NIBAN1: variants seen among roughly 807,000 people sequenced by gnomAD.
The protein encoded by NIBAN1 is niban apoptosis regulator 1.
NIBAN1 carries 81 observed loss-of-function variants against 75.1 expected under a neutral mutation model. The ratio of observed to expected loss-of-function variants is 1.08; its 90% confidence interval spans 0.90 to 1.30. The LOEUF is 1.30. Among genes scored for constraint, NIBAN1 ranks in the 50% most tolerant of loss-of-function variants. The probability of loss-of-function intolerance (pLI) is 0.00; values close to 1 mark genes in which losing one functional copy is unlikely to be tolerated. For synonymous variants in NIBAN1, 436 were observed against 424.8 expected, an observed-to-expected ratio of 1.03 and a Z score of -0.32; for missense variants, 1,133 against 1,128.1, an observed-to-expected ratio of 1.00 and a Z score of -0.06.
At chr1:184,910,428 T>G (rs1000668575) in intron 1 of NIBAN1, among the ~76,000 whole-genome samples, 1 of 152,134 alleles carries the variant, frequency 6.6e-6, no homozygotes, top group African/African-American at 2.4e-5. Context: ...AGAAATTAAT[T>G]GATCCAAGGT....
intron 6 of NIBAN1, among the ~76,000 whole-genome samples, chr1:184,828,367 C>G (rs7519082): frequency 0.62 from 94,491 of 152,082 alleles, 31,086 homozygotes; most frequent in Middle Eastern, 0.76. Flanking sequence ...AGATTAAGGT[C>G]TTAGCAGACA....
Position 184,804,248 on chromosome 1 carries a change from G to C in NIBAN1, c.1447-556C>G, listed in dbSNP as rs114350958. On this transcript the variant is annotated intron_variant, in intron 11 of 13. Coordinates refer to ENST00000367511, the MANE Select transcript of NIBAN1 (RefSeq NM_052966.4). The stretch of plus-strand genomic sequence containing the variant: ...TTAATTGTGGATCTCACTTCAAGGG[G>C]ATCACAGATAAATAAGAGTATAGTC... Among the ~76,000 whole-genome samples the C allele has an allele frequency of 1.5e-3, 236 of 152,334 alleles. 2 individuals are homozygous for C. The highest frequency in any genetic ancestry group is 0.011 in the South Asian group (54 of 4,830).
rs142308791 is a variant in NIBAN1 at position 184,900,067 on chromosome 1, C to T, written c.56-758G>A. Among the ~76,000 whole-genome samples, 1,069 of 152,178 alleles carry T rather than the reference C, an allele frequency of 7.0e-3. 11 individuals are homozygous for T. Among genetic ancestry groups the T allele is most frequent in the African/African-American group, 0.024 (1,002 of 41,530 alleles). On this transcript the variant is annotated intron_variant, in intron 1 of 13. Coordinates refer to ENST00000367511, the MANE Select transcript of NIBAN1 (RefSeq NM_052966.4). ...CCAACCTCAGATGATCTGCCCGCCT[C>T]GGCCTCCCAAAGTGCTGGGATTATA... is the stretch of plus-strand genomic sequence containing the variant.
chr1:184,951,226 T>C (rs1658349988), intron 1 of NIBAN1, among the ~76,000 whole-genome samples: 1 of 152,216 alleles, frequency 6.6e-6, no homozygotes, highest in African/African-American at 2.4e-5. Context: ...TAACAGTACC[T>C]ATCTTGGAGG....
chr1:184,820,558 T>C (rs529348365), intron 8 of NIBAN1, among the ~76,000 whole-genome samples: 2 of 152,398 alleles, frequency 1.3e-5, no homozygotes, highest in East Asian at 1.9e-4. Context: ...TGTTTCCTTA[T>C]GGGCTGGATA....
chr1:184,947,009 G>A (rs1477869619), intron 1 of NIBAN1, among the ~76,000 whole-genome samples: 1 of 151,598 alleles, frequency 6.6e-6, no homozygotes, highest in Non-Finnish European at 1.5e-5. Flanking sequence ...GGAGGTAGAG[G>A]TTGTGGTGAG....
Position 184,863,936 on chromosome 1 carries a change from G to A in NIBAN1, c.601+20697C>T, listed in dbSNP as rs113835833. 2.8e-3 allele frequency among the ~76,000 whole-genome samples: 420 copies of A among 152,306 alleles called. 4 individuals carry two copies. Among genetic ancestry groups the A allele is most frequent in the African/African-American group, 9.3e-3 (385 of 41,556 alleles). ...CCTCCTTAGTATTGTCATAGGGATC[G>A]AAAGAGCATACATTAAACACTCAGT... On this transcript the variant is annotated intron_variant, in intron 5 of 13. Coordinates refer to ENST00000367511, the MANE Select transcript of NIBAN1 (RefSeq NM_052966.4).
chr1:184,918,724 C>T (rs1307482979), intron 1 of NIBAN1, among the ~76,000 whole-genome samples: 1 of 152,136 alleles, frequency 6.6e-6, no homozygotes, highest in Non-Finnish European at 1.5e-5. Context: ...TACCTGAACC[C>T]CCATTTCTCC....
intron 5 of NIBAN1, among the ~76,000 whole-genome samples, chr1:184,838,873 G>A (rs1047773489): frequency 1.3e-5 from 2 of 152,152 alleles, no homozygotes; most frequent in Non-Finnish European, 2.9e-5. Context: ...GATCTGCCGG[G>A]TGATTTGTGA....
intron 6 of NIBAN1, among the ~76,000 whole-genome samples, chr1:184,831,235 G>A (rs924004199): frequency 8.5e-5 from 13 of 152,154 alleles, no homozygotes; most frequent in African/African-American, 2.9e-4. Context: ...TGTACCACAG[G>A]GCACAGAAAA....
intron 5 of NIBAN1, among the ~76,000 whole-genome samples, chr1:184,859,183 C>T (rs1027712106): frequency 7.3e-5 from 11 of 150,850 alleles, no homozygotes; most frequent in Admixed American, 1.3e-4. Context: ...TATATATGTG[C>T]GGTTTTAAAT....
intron 1 of NIBAN1, among the ~76,000 whole-genome samples, chr1:184,948,628 A>T (rs1658287149): frequency 1.3e-5 from 2 of 152,192 alleles, no homozygotes; most frequent in Non-Finnish European, 2.9e-5. Flanking sequence ...CTAAATGTCC[A>T]ACAAGAAGAG....
intron 10 of NIBAN1, among the ~76,000 whole-genome samples, chr1:184,806,278 G>A (rs1305231232): frequency 6.6e-6 from 1 of 152,212 alleles, no homozygotes; most frequent in Non-Finnish European, 1.5e-5. Context: ...AAAACCCAAG[G>A]CCATGGGACT....
chr1:184,865,668 G>T (rs1655938535), intron 5 of NIBAN1, among the ~76,000 whole-genome samples: 1 of 152,106 alleles, frequency 6.6e-6, no homozygotes, highest in Non-Finnish European at 1.5e-5. Context: ...ACAAAACAGT[G>T]ACTTAAATAA....
At chr1:184,813,093 C>T (rs947103708) in intron 9 of NIBAN1, among the ~76,000 whole-genome samples, 7 of 152,126 alleles carry the variant, frequency 4.6e-5, no homozygotes, top group African/African-American at 1.4e-4. Context: ...ACCAGAGACC[C>T]CTTTCCTGGC....
intron 1 of NIBAN1, among the ~76,000 whole-genome samples, chr1:184,970,435 C>T (rs908283387): frequency 1.3e-5 from 2 of 152,128 alleles, no homozygotes; most frequent in Non-Finnish European, 2.9e-5. Flanking sequence ...CAGATGTGTA[C>T]AGCTCTCCCC....
At chr1:184,973,757 C>G (rs1251113090) in intron 1 of NIBAN1, among the ~76,000 whole-genome samples, 1 of 152,218 alleles carries the variant, frequency 6.6e-6, no homozygotes, top group African/African-American at 2.4e-5. Context: ...GGGAAGGGAA[C>G]GGCATGACAT....
chr1:184,971,499 G>C (rs750824676), intron 1 of NIBAN1, among the ~76,000 whole-genome samples: 1 of 151,460 alleles, frequency 6.6e-6, no homozygotes, highest in Non-Finnish European at 1.5e-5. Flanking sequence ...GTGAAACCCC[G>C]TCTCTACTAA....
rs151273456 is a variant in NIBAN1, at chr1:184,860,302, A to G, written c.601+24331T>C. ...CGGGGGGCCAGGGAGACGGGGGCAG[A>G]TCTACCTCAAACTTCCAGAGTAAAA... On this transcript the variant is annotated intron_variant, in intron 5 of 13. Transcript: ENST00000367511. Among the ~76,000 whole-genome samples, 288 of 152,212 alleles carry G rather than the reference A, an allele frequency of 1.9e-3. 1 individual carries two copies. The highest frequency in any genetic ancestry group is 6.7e-3 in the African/African-American group (278 of 41,522).
Sources: allele counts gnomAD v4.1 joint callset (sites outside exome capture counted in the v4.1 genomes callset), GRCh38; gene constraint gnomAD v4.1.1; transcripts MANE v1.5; gene names NCBI Gene and HGNC (gene_info 2026-07-23, HGNC 2026-07-21).